Variants in SSBP2 observed in about 807,000 individuals in gnomAD.
The protein encoded by SSBP2 is single-stranded DNA-binding protein 2.
SSBP2 carries 17 observed loss-of-function variants against 61.8 expected under a neutral mutation model. That is an observed-to-expected ratio of 0.28 (90% confidence interval 0.19 to 0.41). The LOEUF is 0.41. Among genes scored for constraint, SSBP2 ranks in the 10% least tolerant of loss-of-function variants. The pLI, the probability that SSBP2 is intolerant of heterozygous loss-of-function variation, is 1.00. For synonymous variants in SSBP2, 139 were observed against 141.3 expected (o/e 0.98, Z 0.12); for missense variants, 310 against 458.7 (o/e 0.68, Z 2.96).
intron 4 of SSBP2, among the ~76,000 whole-genome samples, chr5:81,607,188 T>G (rs1254332250): frequency 6.6e-6 from 1 of 152,112 alleles, no homozygotes; most frequent in Non-Finnish European, 1.5e-5. Flanking sequence ...CTCATATCTA[T>G]CTTAGGAATG....
chr5:81,599,486 A>T (rs994938806), intron 4 of SSBP2, among the ~76,000 whole-genome samples: 2 of 152,242 alleles, frequency 1.3e-5, no homozygotes, highest in East Asian at 3.8e-4. Flanking sequence ...ATTTGCTTGG[A>T]AACAACAGAC....
At chr5:81,501,594 A>C (rs1392036373) in intron 5 of SSBP2, among the ~76,000 whole-genome samples, 3 of 114,902 alleles carry the variant, frequency 2.6e-5, no homozygotes, top group Admixed American at 1.2e-4. Context: ...ATGGAGTCTC[A>C]CTCTGTGGCC....
intron 3 of SSBP2, among the ~76,000 whole-genome samples, chr5:81,622,675 G>T (rs1746721529): frequency 1.3e-5 from 2 of 152,162 alleles, no homozygotes; most frequent in African/African-American, 4.8e-5. Context: ...TTTTAAGGCA[G>T]GTCACTGTGG....
At chr5:81,423,449 A>G (rs1389041319) in intron 16 of SSBP2, among the ~76,000 whole-genome samples, 2 of 152,198 alleles carry the variant, frequency 1.3e-5, no homozygotes, top group Non-Finnish European at 2.9e-5. Flanking sequence ...AATGCTTTTT[A>G]AAAATGTTTC....
At chr5:81,716,376 C>T (rs1026136599) in intron 1 of SSBP2, among the ~76,000 whole-genome samples, 1 of 152,086 alleles carries the variant, frequency 6.6e-6, no homozygotes, top group African/African-American at 2.4e-5. Context: ...GTACAAAACA[C>T]TGATAAAATT....
chr5:81,653,350 A>C (rs978301753), intron 1 of SSBP2, among the ~76,000 whole-genome samples: 1 of 152,180 alleles, frequency 6.6e-6, no homozygotes, highest in Non-Finnish European at 1.5e-5. Context: ...TCTATCACTG[A>C]TGGGCACTTG....
intron 4 of SSBP2, among the ~76,000 whole-genome samples, chr5:81,576,505 G>A (rs1039595473): frequency 5.9e-5 from 9 of 151,834 alleles, no homozygotes; most frequent in Non-Finnish European, 1.0e-4. Context: ...TAACAAGATC[G>A]CCTAGATAAT....
At chr5:81,577,822 A>G (rs185843919) in intron 4 of SSBP2, among the ~76,000 whole-genome samples, 5 of 152,166 alleles carry the variant, frequency 3.3e-5, no homozygotes, top group Admixed American at 3.3e-4. Flanking sequence ...ACAATGTGAT[A>G]CAAGAACTTA....
chr5:81,664,201 C>T (rs1304426593), intron 1 of SSBP2, among the ~76,000 whole-genome samples: 4 of 151,070 alleles, frequency 2.6e-5, no homozygotes, highest in African/African-American at 9.7e-5. Context: ...CTGCTCACTG[C>T]AACCTCTGCC....
intron 4 of SSBP2, among the ~76,000 whole-genome samples, chr5:81,514,701 T>C (rs1163613715): frequency 6.6e-6 from 1 of 152,046 alleles, no homozygotes; most frequent in East Asian, 1.9e-4. Context: ...AGTGTATTCA[T>C]TCATGCATTA....
chr5:81,448,790 T>C lies in SSBP2; in HGVS notation c.723A>G (p.Val241=). Residue 241 remains valine, a splice_region_variant and synonymous_variant, in exon 11 of 17, where the codon GTA becomes GTG. Coordinates refer to ENST00000320672, the MANE Select transcript of SSBP2 (RefSeq NM_012446.5). ...AGCAAACAAACCCAAATGTACTTAC[T>C]ACATAATTCCCAGGAGATGCTGAGG... is the stretch of plus-strand genomic sequence containing the variant. The C allele has an allele frequency of 6.2e-7, 1 of 1,612,568 alleles. No individual in the cohort carries two copies. Among genetic ancestry groups the C allele is most frequent in the Non-Finnish European group, 8.5e-7 (1 of 1,179,440 alleles).
chr5:81,515,165 T>TTACA (rs1458743627), intron 4 of SSBP2, among the ~76,000 whole-genome samples: 1 of 151,990 alleles, frequency 6.6e-6, no homozygotes, highest in Non-Finnish European at 1.5e-5. Context: ...TACAACAATG[T>TTACA]TACAGTAAGA....
chr5:81,593,185 A>G (rs992472019), intron 4 of SSBP2, among the ~76,000 whole-genome samples: 5 of 152,236 alleles, frequency 3.3e-5, no homozygotes, highest in Non-Finnish European at 7.3e-5. Flanking sequence ...CGAGAGCTAC[A>G]TGACAAATGC....
chr5:81,564,716 C>G (rs1438285936), intron 4 of SSBP2, among the ~76,000 whole-genome samples: 2 of 152,160 alleles, frequency 1.3e-5, no homozygotes, highest in Non-Finnish European at 2.9e-5. Flanking sequence ...AAGCCCCATG[C>G]AAAATTAAAT....
chr5:81,684,521 C>A (rs1230139351), intron 1 of SSBP2, among the ~76,000 whole-genome samples: 1 of 152,060 alleles, frequency 6.6e-6, no homozygotes, highest in African/African-American at 2.4e-5. Context: ...GGCCTTGGGA[C>A]CCACCTCTTG....
intron 6 of SSBP2, 148 bp downstream of exon 6, chr5:81,489,102 T>G (rs865986650): frequency 1.9e-5 from 13 of 676,094 alleles, no homozygotes; most frequent in African/African-American, 1.5e-4. Flanking sequence ...TTATGAGCTG[T>G]AGTTTGCCAA....
At chr5:81,727,182 C>T (rs937081264) in intron 1 of SSBP2, among the ~76,000 whole-genome samples, 1 of 152,224 alleles carries the variant, frequency 6.6e-6, no homozygotes, top group African/African-American at 2.4e-5. Context: ...ACAAACCTTT[C>T]TAAGTCTGTT....
chr5:81,562,027 C>T (rs1381949849), intron 4 of SSBP2, among the ~76,000 whole-genome samples: 1 of 152,090 alleles, frequency 6.6e-6, no homozygotes, highest in African/African-American at 2.4e-5. Flanking sequence ...GTCTCAGCCT[C>T]CCAAGTAGCT....
intron 11 of SSBP2, among the ~76,000 whole-genome samples, chr5:81,448,395 G>A (rs985698015): frequency 1.3e-5 from 2 of 152,164 alleles, no homozygotes; most frequent in African/African-American, 4.8e-5. Context: ...TAATTCATTT[G>A]TGATTGGGAG....
Sources: gnomAD v4.1 joint callset for allele counts (sites outside exome capture counted in the v4.1 genomes callset) on GRCh38, gnomAD v4.1.1 for gene constraint, MANE v1.5 for transcripts, NCBI Gene and HGNC (gene_info 2026-07-23, HGNC 2026-07-21) for gene names.